The following FIG4 variants were observed in gnomAD, a reference collection of about 807,000 sequenced individuals.
FIG4 encodes polyphosphoinositide phosphatase.
A neutral mutation model predicts 118.6 loss-of-function variants in FIG4; 112 were observed. The observed-to-expected ratio is 0.94, with a 90% CI of 0.81 to 1.11. The LOEUF (loss-of-function observed/expected upper bound fraction) is 1.11, where lower values mean the gene tolerates loss of function less well. Ranked by LOEUF, FIG4 falls within the 50% of genes least tolerant of loss-of-function variation. FIG4 has a pLI of 0.00. For synonymous variants in FIG4, 369 were observed against 381.2 expected, an observed-to-expected ratio of 0.97 and a Z score of 0.37; for missense variants, 969 against 1,111.7, an observed-to-expected ratio of 0.87 and a Z score of 1.83.
At chr6:109,815,116 G>A (rs960123551) in intron 22 of FIG4, among the ~76,000 whole-genome samples, 1 of 151,856 alleles carries the variant, frequency 6.6e-6, no homozygotes, top group African/African-American at 2.4e-5. Flanking sequence ...GTTTATTCTA[G>A]CCTTCTCCAA....
chr6:109,776,055 C>A (rs891405972), intron 15 of FIG4, among the ~76,000 whole-genome samples: 4 of 152,068 alleles, frequency 2.6e-5, no homozygotes, highest in Admixed American at 2.0e-4. Context: ...CTGCCACAAA[C>A]TTCAATATAC....
At chr6:109,763,639 G>A (rs1295177225) in intron 12 of FIG4, among the ~76,000 whole-genome samples, 1 of 152,216 alleles carries the variant, frequency 6.6e-6, no homozygotes, top group African/African-American at 2.4e-5. Context: ...AATTGGGTTT[G>A]AATGAAAGCA....
At position 109,751,060 on chromosome 6, in the gene FIG4, A is replaced by G. The variant is rs999078487; in HGVS notation, c.1137+7288A>G. On this transcript the variant is annotated intron_variant, in intron 10 of 22. Transcript: ENST00000230124. ...AATAGCTACCCCTTTTTGTTTCTAC[A>G]GTAGTTATCTCATTAAATTCATGAC... Among the ~76,000 whole-genome samples the G allele has an allele frequency of 1.4e-4, 22 of 152,246 alleles. No homozygotes were observed. The East Asian group carries it at 4.2e-3, about 29-fold the overall frequency.
At chr6:109,767,008 A>G (rs538215919) in intron 15 of FIG4, 113 bp downstream of exon 15, 1 of 861,218 alleles carries the variant, frequency 1.2e-6, no homozygotes. Context: ...AAAAGTTTAA[A>G]TAAAACAGTC....
At chr6:109,813,041 C>T (rs1323063353) in intron 22 of FIG4, among the ~76,000 whole-genome samples, 1 of 152,146 alleles carries the variant, frequency 6.6e-6, no homozygotes, top group Non-Finnish European at 1.5e-5. Context: ...TATGAAATCA[C>T]CAATATTTAC....
chr6:109,723,968 C>A (rs1198027597), intron 3 of FIG4, among the ~76,000 whole-genome samples: 1 of 152,058 alleles, frequency 6.6e-6, no homozygotes, highest in East Asian at 1.9e-4. Flanking sequence ...ATATAAATTC[C>A]TTTTTTTAGT....
At chr6:109,725,202 G>A (rs1334213748) in intron 3 of FIG4, among the ~76,000 whole-genome samples, 2 of 152,004 alleles carry the variant, frequency 1.3e-5, no homozygotes, top group African/African-American at 4.8e-5. Context: ...CCACCATCTA[G>A]GTTTTGAGCC....
chr6:109,701,279 G>A (rs899053902), intron 1 of FIG4, among the ~76,000 whole-genome samples: 25 of 152,170 alleles, frequency 1.6e-4, no homozygotes, highest in Non-Finnish European at 2.5e-4. Flanking sequence ...CTTGTGACTC[G>A]TCTGTGGTCC....
intron 7 of FIG4, 84 bp downstream of exon 7, chr6:109,738,537 G>A (rs1182791132): frequency 7.9e-7 from 1 of 1,271,548 alleles, no homozygotes; most frequent in African/African-American, 1.5e-5. Flanking sequence ...TGAATTATAT[G>A]ATTATAATAC....
intron 4 of FIG4, among the ~76,000 whole-genome samples, chr6:109,729,200 T>C (rs1418602917): frequency 6.6e-6 from 1 of 152,196 alleles, no homozygotes; most frequent in African/African-American, 2.4e-5. Context: ...CTAGAACAGT[T>C]CACCACATTA....
intron 22 of FIG4, among the ~76,000 whole-genome samples, chr6:109,817,202 G>C (rs977026130): frequency 1.3e-5 from 2 of 152,148 alleles, no homozygotes; most frequent in African/African-American, 2.4e-5. Context: ...AGCAGACCCA[G>C]TACTGTGCAG....
chr6:109,803,311 A>ATTC (rs769854471), intron 22 of FIG4, among the ~76,000 whole-genome samples: 7 of 152,242 alleles, frequency 4.6e-5, no homozygotes, highest in Non-Finnish European at 7.3e-5. Flanking sequence ...CAGTTGAAAT[A>ATTC]GAGATGGGGT....
chr6:109,820,983 T>C (rs1444532838), intron 22 of FIG4, among the ~76,000 whole-genome samples: 1 of 152,154 alleles, frequency 6.6e-6, no homozygotes, highest in Non-Finnish European at 1.5e-5. Flanking sequence ...TCACAGGTAG[T>C]CGCCAGAAAT....
intron 16 of FIG4, among the ~76,000 whole-genome samples, chr6:109,778,810 A>G (rs993251551): frequency 1.6e-4 from 24 of 152,206 alleles, no homozygotes; most frequent in South Asian, 1.2e-3. Context: ...TGTGTTAGCT[A>G]GGGTGGTCTT....
chr6:109,753,555 T>C (rs1225702687), intron 10 of FIG4, among the ~76,000 whole-genome samples: 1 of 152,212 alleles, frequency 6.6e-6, no homozygotes, highest in Non-Finnish European at 1.5e-5. Flanking sequence ...TTTCACAATA[T>C]TGATTGTTCC....
At chr6:109,701,631 T>C (rs1774911501) in intron 1 of FIG4, 1 of 466,768 alleles carries the variant, frequency 2.1e-6, no homozygotes, top group Non-Finnish European at 4.4e-6. Context: ...AGCATATATG[T>C]ATGCATTTAT....
chr6:109,811,502 C>T (rs1007056530), intron 22 of FIG4, among the ~76,000 whole-genome samples: 2 of 152,174 alleles, frequency 1.3e-5, no homozygotes, highest in Admixed American at 6.5e-5. Flanking sequence ...GAATCATTAA[C>T]AGCTTGAAAG....
At position 109,738,434 on chromosome 6, in the gene FIG4, TG is replaced by T. The variant is rs764717219; in HGVS notation, c.759del (p.Phe254SerfsTer8). On this transcript the variant is annotated frameshift_variant, in exon 7 of 23. Transcript: ENST00000230124. LOFTEE classifies it high-confidence loss of function. ...GTGACTGGCTTTTGTATATTATTCA[TG>T]GGTTCTGTGGGCAGTCAAGTATCCT... Reference protein sequence around the residue: ...HRDWLLYIIHGFCGQSKLLIY... With the variant: ...HRDWLLYIIHXFCGQSKLLIY... The T allele has an allele frequency of 1.3e-4, 212 of 1,612,684 alleles. No individual in the cohort carries two copies. The highest frequency in any genetic ancestry group is 1.8e-4 in the Non-Finnish European group (210 of 1,179,096).
At chr6:109,724,722 A>G (rs779004782) in intron 3 of FIG4, among the ~76,000 whole-genome samples, 2 of 152,000 alleles carry the variant, frequency 1.3e-5, no homozygotes, top group Admixed American at 6.6e-5. Context: ...CTTATGTACA[A>G]CTTTTATTTT....
Sources: allele counts gnomAD v4.1 joint callset (sites outside exome capture counted in the v4.1 genomes callset), GRCh38; gene constraint gnomAD v4.1.1; transcripts MANE v1.5; gene names NCBI Gene and HGNC (gene_info 2026-07-23, HGNC 2026-07-21).